Variants in PCDH15 observed in about 807,000 individuals in gnomAD.
PCDH15 encodes protocadherin related 15, also known as protocadherin-15.
Under a neutral mutation model 178.5 loss-of-function variants are expected in PCDH15, and 129 were observed. The ratio of observed to expected loss-of-function variants is 0.72; its 90% CI spans 0.63 to 0.84. The LOEUF is 0.84. Ranked by LOEUF, PCDH15 falls within the 40% of genes least tolerant of loss-of-function variation. The pLI, the probability that PCDH15 is intolerant of heterozygous loss-of-function variation, is 0.00. For synonymous variants in PCDH15, 800 were observed against 732.0 expected, an observed-to-expected ratio of 1.09 and a Z score of -1.50; for missense variants, 2,230 against 2,099.9, an observed-to-expected ratio of 1.06 and a Z score of -1.21.
chr10:54,808,061 A>G (rs1952806221), intron 3 of PCDH15, among the ~76,000 whole-genome samples: 1 of 152,084 alleles, frequency 6.6e-6, no homozygotes, highest in Admixed American at 6.6e-5. Flanking sequence ...ACCAGACACA[A>G]CATTAGATGC....
chr10:54,987,573 T>C (rs1399541785), intron 2 of PCDH15, among the ~76,000 whole-genome samples: 1 of 152,318 alleles, frequency 6.6e-6, no homozygotes, highest in East Asian at 1.9e-4. Flanking sequence ...TGGAGTGTGA[T>C]GGTATCTCAT....
At chr10:55,251,782 C>A in intron 1 of PCDH15, among the ~76,000 whole-genome samples, 1 of 151,998 alleles carries the variant, frequency 6.6e-6, no homozygotes, top group East Asian at 1.9e-4. Flanking sequence ...GGTTATGATG[C>A]AGTAATAAAC....
chr10:54,838,466 A>G (rs1328101204), intron 3 of PCDH15, among the ~76,000 whole-genome samples: 4 of 152,084 alleles, frequency 2.6e-5, no homozygotes, highest in Admixed American at 2.6e-4. Context: ...AATTTTCTGA[A>G]GCCTCCCCAG....
upstream of PCDH15, among the ~76,000 whole-genome samples, chr10:54,804,045 C>CT (rs938615106): frequency 7.6e-3 from 1,096 of 145,074 alleles, 10 homozygotes; most frequent in African/African-American, 0.023. Flanking sequence ...AAAAAATTTT[C>CT]TTTTTTTTTT....
chr10:55,365,775 T>C (rs1229889658), intron 2 of PCDH15, among the ~76,000 whole-genome samples: 1 of 152,132 alleles, frequency 6.6e-6, no homozygotes, highest in Non-Finnish European at 1.5e-5. Flanking sequence ...CATGTGGAAC[T>C]GTAAGCCCAA....
chr10:54,342,885 C>A (rs1942516659), intron 6 of PCDH15, among the ~76,000 whole-genome samples: 2 of 152,038 alleles, frequency 1.3e-5, no homozygotes, highest in African/African-American at 4.8e-5. Flanking sequence ...TTGCATGGGG[C>A]CTGTGGTGCC....
chr10:54,470,312 C>T (rs1473984325), intron 3 of PCDH15, among the ~76,000 whole-genome samples: 1 of 152,114 alleles, frequency 6.6e-6, no homozygotes, highest in Non-Finnish European at 1.5e-5. Flanking sequence ...AAGCGTGTGG[C>T]GACCCTGCTG....
intron 2 of PCDH15, among the ~76,000 whole-genome samples, chr10:55,383,903 A>C (rs1302371602): frequency 6.6e-6 from 1 of 152,180 alleles, no homozygotes; most frequent in African/African-American, 2.4e-5. Context: ...GTGAATTATC[A>C]TACAAAAGCA....
chr10:54,870,740 C>T (rs111424370), intron 3 of PCDH15, among the ~76,000 whole-genome samples: 5,810 of 151,624 alleles, frequency 0.038, 362 homozygotes, highest in African/African-American at 0.13. Context: ...GAGCCGAGAT[C>T]GCACCACTGC....
chr10:54,269,859 C>A (rs1442543152), intron 8 of PCDH15, among the ~76,000 whole-genome samples: 1 of 151,916 alleles, frequency 6.6e-6, no homozygotes, highest in African/African-American at 2.4e-5. Flanking sequence ...ACAACAAGGA[C>A]CCATAAATAT....
In PCDH15 at chr10:53,821,373, G is replaced by A. The variant is rs565704707; in HGVS notation, c.4368-1143C>T. On this transcript the variant is annotated intron_variant, in intron 32 of 37. Coordinates refer to ENST00000644397, the MANE Select transcript of PCDH15 (RefSeq NM_001384140.1). ...ATCTAGGTACATTATATTTTACTTC[G>A]GTAGTATTTCTTCTTACCAAATACA... The A allele has an allele frequency of 1.8e-5, 18 of 992,454 alleles. No individual in the cohort carries two copies. The East Asian group carries it at 4.3e-4, about 24-fold the overall frequency. The allele number at this position is 992,454 out of a possible 1,614,324, so 61.5% of individuals were successfully genotyped here.
intron 36 of PCDH15, 70 bp downstream of exon 36, chr10:53,811,479 A>G (rs928183933): frequency 2.1e-6 from 2 of 943,984 alleles, no homozygotes; most frequent in Admixed American, 3.1e-5. Context: ...AGTAATAATA[A>G]TCATTTAATA....
chr10:55,472,765 T>C (rs1179751616), intron 2 of PCDH15, among the ~76,000 whole-genome samples: 1 of 152,148 alleles, frequency 6.6e-6, no homozygotes, highest in African/African-American at 2.4e-5. Flanking sequence ...AGACGGGGTT[T>C]CACCGTGTTA....
intron 9 of PCDH15, among the ~76,000 whole-genome samples, chr10:54,230,423 G>A (rs946445524): frequency 6.6e-4 from 101 of 152,174 alleles, no homozygotes; most frequent in African/African-American, 2.3e-3. Flanking sequence ...TCTGATAACT[G>A]TGAAATATGA....
intron 21 of PCDH15, among the ~76,000 whole-genome samples, chr10:53,973,614 T>C (rs147417951): frequency 6.6e-6 from 1 of 152,300 alleles, no homozygotes; most frequent in East Asian, 1.9e-4. Context: ...ACTTTTTTGG[T>C]TCCGTACTCT....
intron 5 of PCDH15, among the ~76,000 whole-genome samples, chr10:54,358,101 GTGGGCAAGGAC>G (rs1489463689): frequency 1.4e-5 from 2 of 145,214 alleles, no homozygotes; most frequent in Non-Finnish European, 3.0e-5. Flanking sequence ...GGACATAGGC[GTGGGCAAGGAC>G]TTCATGTCTA....
intron 2 of PCDH15, among the ~76,000 whole-genome samples, chr10:54,942,852 C>G (rs1218765142): frequency 1.3e-5 from 2 of 151,916 alleles, no homozygotes; most frequent in Admixed American, 1.3e-4. Flanking sequence ...CATAAAATAC[C>G]CAAATGGAAA....
At chr10:53,832,728 C>T (rs1442571168) in intron 29 of PCDH15, among the ~76,000 whole-genome samples, 1 of 151,862 alleles carries the variant, frequency 6.6e-6, no homozygotes, top group East Asian at 1.9e-4. Context: ...TAATCAATGC[C>T]ATGCTTGTGT....
intron 2 of PCDH15, among the ~76,000 whole-genome samples, chr10:55,578,021 A>T (rs920288869): frequency 3.3e-5 from 5 of 152,038 alleles, no homozygotes; most frequent in African/African-American, 1.2e-4. Context: ...AAAGTGAAAA[A>T]TTTCTAAAAG....
Sources: allele counts gnomAD v4.1 joint callset (sites outside exome capture counted in the v4.1 genomes callset), GRCh38; gene constraint gnomAD v4.1.1; transcripts MANE v1.5; gene names NCBI Gene and HGNC (gene_info 2026-07-23, HGNC 2026-07-21).